HS6ST3: variants seen among roughly 807,000 people sequenced by gnomAD.
HS6ST3 encodes heparan-sulfate 6-O-sulfotransferase 3.
Under a neutral mutation model 36.7 loss-of-function variants are expected in HS6ST3, and 12 were observed. The ratio of observed to expected loss-of-function variants is 0.33; its 90% CI spans 0.21 to 0.53. The LOEUF is 0.53. Among genes scored for constraint, HS6ST3 ranks in the 20% least tolerant of loss-of-function variants. HS6ST3 has a pLI of 0.95. For missense variants in HS6ST3, 584 were observed against 640.9 expected, an observed-to-expected ratio of 0.91 and a Z score of 0.96; for synonymous variants, 240 against 257.5, an observed-to-expected ratio of 0.93 and a Z score of 0.65.
intron 1 of HS6ST3, among the ~76,000 whole-genome samples, chr13:96,701,000 G>A (rs1875271533): frequency 6.6e-6 from 1 of 152,132 alleles, no homozygotes; most frequent in Admixed American, 6.5e-5. Context: ...TCACCTCATA[G>A]AATAAAGGTC....
intron 1 of HS6ST3, among the ~76,000 whole-genome samples, chr13:96,550,025 A>G (rs2056213585): frequency 6.6e-6 from 1 of 152,228 alleles, no homozygotes; most frequent in East Asian, 1.9e-4. Flanking sequence ...CTTTAAAAGC[A>G]TCACATAGTA....
chr13:96,593,174 C>CTTTTTTTTTTTTTTTTTTTTTTT lies in HS6ST3; in HGVS notation c.708-239311_708-239289dup, dbSNP rs35380296. 2.1e-4 allele frequency among the ~76,000 whole-genome samples: 10 copies of CTTTTTTTTTTTTTTTTTTTTTTT among 46,602 alleles called. 4 individuals are homozygous for CTTTTTTTTTTTTTTTTTTTTTTT. The highest frequency in any genetic ancestry group is 5.6e-4 in the African/African-American group (6 of 10,680). 30.6% of individuals were successfully genotyped at this position (46,602 alleles called of 152,430 possible). A position where few individuals can be genotyped will look rare whatever the true frequency, so the allele number is the denominator to read the frequency against. The stretch of plus-strand genomic sequence containing the variant: ...CTCTGACTGTGTATTTTCTTTCTTT[C>CTTTTTTTTTTTTTTTTTTTTTTT]TTTTTTTTTTTTTTTTTTTTTTTTT... On this transcript the variant is annotated intron_variant, in intron 1 of 1. Coordinates refer to ENST00000376705, the MANE Select transcript of HS6ST3 (RefSeq NM_153456.4).
At chr13:96,655,994 C>T (rs746906319) in intron 1 of HS6ST3, among the ~76,000 whole-genome samples, 1 of 152,092 alleles carries the variant, frequency 6.6e-6, no homozygotes, top group Non-Finnish European at 1.5e-5. Flanking sequence ...AATTCAGAAT[C>T]TGTGCTTGAC....
intron 1 of HS6ST3, among the ~76,000 whole-genome samples, chr13:96,407,311 G>A (rs574280087): frequency 1.6e-4 from 24 of 152,286 alleles, no homozygotes; most frequent in South Asian, 1.2e-3. Flanking sequence ...CAGGCAGTAC[G>A]TGGTATTGGT....
Position 96,335,236 on chromosome 13 carries a change from C to T in HS6ST3, c.707+243667C>T, listed in dbSNP as rs532996189. ...CAAGGGAGAAGGTAGAAACGACATC[C>T]AATGTGAGGTGTCCCAGGAACTCTT... On this transcript the variant is annotated intron_variant, in intron 1 of 1. Coordinates refer to ENST00000376705, the MANE Select transcript of HS6ST3 (RefSeq NM_153456.4). Among the ~76,000 whole-genome samples, 334 of 152,238 alleles carry T rather than the reference C, an allele frequency of 2.2e-3. 4 individuals are homozygous for T. The highest frequency in any genetic ancestry group is 7.7e-3 in the African/African-American group (319 of 41,518).
intron 1 of HS6ST3, among the ~76,000 whole-genome samples, chr13:96,307,425 T>C (rs186990294): frequency 6.6e-6 from 1 of 152,270 alleles, no homozygotes; most frequent in East Asian, 1.9e-4. Context: ...ATTGTGGACA[T>C]TTTGCAACAC....
At chr13:96,787,073 T>C (rs1020742803) in intron 1 of HS6ST3, among the ~76,000 whole-genome samples, 4 of 152,224 alleles carry the variant, frequency 2.6e-5, no homozygotes, top group African/African-American at 9.6e-5. Flanking sequence ...GTGTTATTAA[T>C]GAGCAACATT....
At chr13:96,465,172 C>A (rs566533467) in intron 1 of HS6ST3, among the ~76,000 whole-genome samples, 1 of 152,288 alleles carries the variant, frequency 6.6e-6, no homozygotes, top group African/African-American at 2.4e-5. Context: ...TATAACTACT[C>A]TGGAAAACAC....
chr13:96,490,898 A>G (rs2055941871), intron 1 of HS6ST3, among the ~76,000 whole-genome samples: 1 of 152,240 alleles, frequency 6.6e-6, no homozygotes, highest in Non-Finnish European at 1.5e-5. Context: ...ATCAATACTG[A>G]GTCACATCTG....
intron 1 of HS6ST3, among the ~76,000 whole-genome samples, chr13:96,557,759 A>C (rs2056246725): frequency 6.6e-6 from 1 of 152,168 alleles, no homozygotes; most frequent in South Asian, 2.1e-4. Context: ...GTACTCACTC[A>C]ATCTTTCTGC....
At chr13:96,717,993 A>G (rs1239961353) in intron 1 of HS6ST3, among the ~76,000 whole-genome samples, 1 of 152,100 alleles carries the variant, frequency 6.6e-6, no homozygotes, top group Non-Finnish European at 1.5e-5. Flanking sequence ...AATTGTCACA[A>G]ACTTGCTTTA....
At chr13:96,588,668 C>T (rs2056370994) in intron 1 of HS6ST3, among the ~76,000 whole-genome samples, 1 of 152,128 alleles carries the variant, frequency 6.6e-6, no homozygotes, top group Non-Finnish European at 1.5e-5. Context: ...CATCTATATT[C>T]ATCAAGTGTA....
chr13:96,357,249 A>G (rs1390891922), intron 1 of HS6ST3, among the ~76,000 whole-genome samples: 1 of 152,198 alleles, frequency 6.6e-6, no homozygotes, highest in Non-Finnish European at 1.5e-5. Context: ...CTGGAGTAGC[A>G]CTTTCAGTTT....
At chr13:96,546,414 G>A (rs1431247710) in intron 1 of HS6ST3, among the ~76,000 whole-genome samples, 1 of 152,134 alleles carries the variant, frequency 6.6e-6, no homozygotes, top group Admixed American at 6.6e-5. Context: ...CAAGGGCAGG[G>A]ATTGACGGTC....
chr13:96,722,988 C>CGTGTGTGTGTGT lies in HS6ST3; in HGVS notation c.708-109477_708-109466dup, dbSNP rs34651683. Among the ~76,000 whole-genome samples, 113 of 143,662 alleles carry CGTGTGTGTGTGT rather than the reference C, an allele frequency of 7.9e-4. 1 individual carries two copies. The highest frequency in any genetic ancestry group is 2.4e-3 in the African/African-American group (95 of 39,228). 94.2% of individuals were successfully genotyped at this position (143,662 alleles called of 152,430 possible). ...CAAGACCCTGTCTCAAAAAAATATA[C>CGTGTGTGTGTGT]GTGTGTGTGTGTGTGTGTGTGTGTG... On this transcript the variant is annotated intron_variant, in intron 1 of 1. Transcript: ENST00000376705.
intron 1 of HS6ST3, among the ~76,000 whole-genome samples, chr13:96,708,167 G>C (rs918508858): frequency 6.6e-5 from 10 of 152,216 alleles, no homozygotes; most frequent in African/African-American, 2.2e-4. Flanking sequence ...ATCATTATGG[G>C]ACTCTGGTTT....
At chr13:96,566,681 A>G (rs1266533365) in intron 1 of HS6ST3, among the ~76,000 whole-genome samples, 2 of 152,178 alleles carry the variant, frequency 1.3e-5, no homozygotes, top group Non-Finnish European at 2.9e-5. Flanking sequence ...ATTGTAGGAT[A>G]GTACTTAGCT....
chr13:96,393,258 GACTAAT>G (rs1178319562), intron 1 of HS6ST3, among the ~76,000 whole-genome samples: 2 of 152,104 alleles, frequency 1.3e-5, no homozygotes, highest in Non-Finnish European at 1.5e-5. Flanking sequence ...CATGAAAAAA[GACTAAT>G]ACACTGGGCT....
At chr13:96,529,872 T>C (rs776630206) in intron 1 of HS6ST3, among the ~76,000 whole-genome samples, 2 of 152,204 alleles carry the variant, frequency 1.3e-5, no homozygotes, top group Non-Finnish European at 2.9e-5. Flanking sequence ...ACAATACTCA[T>C]TTCTCCTCTC....
Sources: allele counts gnomAD v4.1 joint callset (sites outside exome capture counted in the v4.1 genomes callset), GRCh38; gene constraint gnomAD v4.1.1; transcripts MANE v1.5; gene names NCBI Gene and HGNC (gene_info 2026-07-23, HGNC 2026-07-21).